The following USP34 variants were observed in gnomAD, a reference collection of about 807,000 sequenced individuals.
USP34 encodes the protein ubiquitin specific peptidase 34.
Under a neutral mutation model 460.3 loss-of-function variants are expected in USP34, and 70 were observed. That is an observed-to-expected ratio of 0.15 (90% CI 0.13 to 0.19). USP34 has a LOEUF of 0.19. USP34 is among the 10% of genes least tolerant of loss of function. The probability of loss-of-function intolerance (pLI) is 1.00; values close to 1 mark genes in which losing one functional copy is unlikely to be tolerated. For synonymous variants in USP34, 1,647 were observed against 1,405.3 expected, an observed-to-expected ratio of 1.17 and a Z score of -3.85; for missense variants, 3,985 against 4,236.2, an observed-to-expected ratio of 0.94 and a Z score of 1.65.
chr2:61,396,503 TTTTTA>T (rs1693531903), intron 3 of USP34, among the ~76,000 whole-genome samples: 1 of 152,078 alleles, frequency 6.6e-6, no homozygotes, highest in African/African-American at 2.4e-5. Flanking sequence ...TTTTTTTTTT[TTTTTA>T]GACGGAGTCT....
rs1348228060 is a variant in USP34 at position 61,348,306 on chromosome 2, T to C, written c.1849A>G (p.Ile617Val). ...TCATCTTCCTCTTTGAGGGCTTCAA[T>C]ATCTGCAATGTCTTCTGACTGTACC... ...SEVQSEDIADIEALKEEDEDD... is the reference protein window; with the variant it reads ...SEVQSEDIADVEALKEEDEDD... Residue 617 changes from isoleucine to valine, a missense_variant, in exon 15 of 80, where the codon ATT becomes GTT. Transcript: ENST00000398571. The C allele has an allele frequency of 6.2e-7, 1 of 1,614,230 alleles. No individual in the cohort carries two copies. The highest frequency in any genetic ancestry group is 2.2e-5 in the East Asian group (1 of 44,876).
chr2:61,358,109 T>C (rs531604859), intron 10 of USP34, among the ~76,000 whole-genome samples: 111 of 152,134 alleles, frequency 7.3e-4, no homozygotes, highest in African/African-American at 2.3e-3. Flanking sequence ...GGAGAATCAC[T>C]TGAACCTGGG....
rs1691524479 is a variant in USP34 at position 61,339,629 on chromosome 2, A to C, written c.2553T>G (p.Asn851Lys). Residue 851 changes from asparagine to lysine, a missense_variant, in exon 17 of 80, where the codon AAT becomes AAG. Coordinates refer to ENST00000398571, the MANE Select transcript of USP34 (RefSeq NM_014709.4). ...QFNSNAVTDI[N>K]LDNVCKKGNT... ...TTCCTTTCTTGCAAACATTATCCAA[A>C]TTAATGTCTGTAACAGCATTACTGT... 6.3e-7 allele frequency: 1 copy of C among 1,580,664 alleles called. No individual in the cohort carries two copies. The highest frequency in any genetic ancestry group is 1.4e-5 in the African/African-American group (1 of 73,104).
intron 43 of USP34, among the ~76,000 whole-genome samples, chr2:61,262,618 G>C (rs1158759660): frequency 6.6e-6 from 1 of 152,026 alleles, no homozygotes; most frequent in Non-Finnish European, 1.5e-5. Context: ...CCATGTTTTT[G>C]CTAGTGTGAA....
chr2:61,284,883 C>A lies in USP34; in HGVS notation c.4824G>T (p.Leu1608=). The A allele has an allele frequency of 6.2e-7, 1 of 1,608,438 alleles. No homozygotes were observed. Among genetic ancestry groups the A allele is most frequent in the South Asian group, 1.1e-5 (1 of 90,108 alleles). ...LMSVAYTYDN[L]APRVLKAQSD... ...TATCTTAAAATGCATACCTAGGAGC[C>A]AGATTATCATACGTATAAGCAACAG... The change falls in exon 35 of 80, where the codon CTG becomes CTT. Residue 1608 remains leucine (L), a synonymous_variant. Coordinates refer to ENST00000398571, the MANE Select transcript of USP34 (RefSeq NM_014709.4).
intron 1 of USP34, among the ~76,000 whole-genome samples, chr2:61,449,160 C>T (rs2256198): frequency 9.3e-5 from 4 of 42,918 alleles, no homozygotes; most frequent in East Asian, 7.5e-4. Flanking sequence ...AATGGAGGGA[C>T]GGGAGGGACA....
intron 5 of USP34, among the ~76,000 whole-genome samples, chr2:61,388,258 T>A (rs1382886571): frequency 6.6e-6 from 1 of 151,556 alleles, no homozygotes; most frequent in Admixed American, 6.6e-5. Context: ...AATAATAAAA[T>A]CACAATGAGC....
At chr2:61,304,951 A>C (rs1690355084) in intron 27 of USP34, among the ~76,000 whole-genome samples, 2 of 152,224 alleles carry the variant, frequency 1.3e-5, no homozygotes, top group African/African-American at 4.8e-5. Flanking sequence ...AAATCTCAAA[A>C]AACTCTTGAT....
intron 48 of USP34, among the ~76,000 whole-genome samples, chr2:61,251,785 C>T (rs936549374): frequency 6.6e-6 from 1 of 152,120 alleles, no homozygotes; most frequent in Non-Finnish European, 1.5e-5. Flanking sequence ...TAAGGTTTAA[C>T]ATCAAATGCC....
intron 15 of USP34, among the ~76,000 whole-genome samples, chr2:61,344,774 T>C (rs561330071): frequency 1.3e-5 from 2 of 152,306 alleles, no homozygotes; most frequent in East Asian, 3.9e-4. Context: ...TTTGTATCTA[T>C]AATGCAAGAT....
intron 62 of USP34, among the ~76,000 whole-genome samples, chr2:61,224,965 C>T (rs903390346): frequency 2.0e-5 from 3 of 152,126 alleles, no homozygotes; most frequent in African/African-American, 7.2e-5. Flanking sequence ...TGTAACTAGT[C>T]GTTTTTCCAA....
rs139003375 is a variant in USP34, at chr2:61,368,905, A to G, written c.1251+1416T>C. Among the ~76,000 whole-genome samples the G allele has an allele frequency of 4.9e-3, 743 of 152,306 alleles. 4 individuals are homozygous for G. Among genetic ancestry groups the G allele is most frequent in the South Asian group, 8.3e-3 (40 of 4,828 alleles). On this transcript the variant is annotated intron_variant, in intron 10 of 79. Coordinates refer to ENST00000398571, the MANE Select transcript of USP34 (RefSeq NM_014709.4). ...CCTTAAGCAAAGCAAAAAGGCATCA[A>G]ACCAGGATACAGTAATAAGTTGTAA...
At chr2:61,382,917 C>T (rs563602084) in intron 6 of USP34, among the ~76,000 whole-genome samples, 20 of 152,280 alleles carry the variant, frequency 1.3e-4, no homozygotes, top group African/African-American at 4.6e-4. Context: ...ACAGACTGCA[C>T]AAGAGCAGAG....
chr2:61,389,951 T>C (rs895421985), intron 5 of USP34, among the ~76,000 whole-genome samples: 5 of 152,118 alleles, frequency 3.3e-5, no homozygotes, highest in African/African-American at 1.2e-4. Flanking sequence ...AGTGGCATCA[T>C]GAAAACTTAA....
intron 51 of USP34, among the ~76,000 whole-genome samples, chr2:61,242,752 G>GA (rs1688304978): frequency 6.6e-6 from 1 of 152,112 alleles, no homozygotes; most frequent in South Asian, 2.1e-4. Context: ...TGCTGTGACA[G>GA]AAAAAATTTA....
rs187516791 is a variant in USP34, at chr2:61,301,131, C to T, written c.3948G>A (p.Arg1316=). 8.7e-6 allele frequency: 14 copies of T among 1,611,432 alleles called. No individual in the cohort carries two copies. In the East Asian group the frequency reaches 2.0e-4, roughly 23 times the overall value. The change falls in exon 29 of 80, where the codon AGG becomes AGA. Residue 1316 remains arginine, a synonymous_variant. Transcript: ENST00000398571. The stretch of plus-strand genomic sequence containing the variant: ...GAACACCTTCCCCTTTCCGCTCTCT[C>T]CTTGGTGCACCCAAAGATACAAATA... ...QMVFVSLGAP[R]RERKGEGVQL...
At chr2:61,288,400 T>C (rs1689752624) in intron 34 of USP34, among the ~76,000 whole-genome samples, 1 of 152,216 alleles carries the variant, frequency 6.6e-6, no homozygotes, top group African/African-American at 2.4e-5. Flanking sequence ...TGGCTTCTGT[T>C]TTCATAAATG....
intron 25 of USP34, among the ~76,000 whole-genome samples, chr2:61,312,945 T>C (rs949021587): frequency 1.3e-5 from 2 of 152,230 alleles, no homozygotes; most frequent in African/African-American, 4.8e-5. Flanking sequence ...TAAGACATTA[T>C]TGTTTATTCC....
Position 61,188,549 on chromosome 2 carries a change from T to C in USP34, c.10194A>G (p.Pro3398=), listed in dbSNP as rs2103726288. Residue 3398 remains proline (P), a synonymous_variant, in exon 80 of 80, where the codon CCA becomes CCG. Transcript: ENST00000398571. ...GGGAAGGAAGATCTTGCTCAGTTCC[T>C]GGATCAATAATTGAGGAGTCTCTGG... ...NETRDSSIID[P]GTEQDLPSPE... 1 of 1,614,246 alleles carries C rather than the reference T, an allele frequency of 6.2e-7. No individual in the cohort carries two copies. Among genetic ancestry groups the C allele is most frequent in the Non-Finnish European group, 8.5e-7 (1 of 1,180,048 alleles).
Sources: allele counts gnomAD v4.1 joint callset (sites outside exome capture counted in the v4.1 genomes callset), GRCh38; gene constraint gnomAD v4.1.1; transcripts MANE v1.5; gene names NCBI Gene and HGNC (gene_info 2026-07-23, HGNC 2026-07-21).